The following RPTOR variants were observed in gnomAD, a reference collection of about 807,000 sequenced individuals.
RPTOR encodes the protein regulatory associated protein of MTOR complex 1.
RPTOR carries 21 observed loss-of-function variants against 169.9 expected under a neutral mutation model. The observed-to-expected ratio is 0.12, with a 90% CI of 0.09 to 0.18. The LOEUF is 0.18. RPTOR is among the 10% of genes least tolerant of loss of function. The pLI is 1.00. For missense variants in RPTOR, 1,133 were observed against 1,855.9 expected (o/e 0.61, Z 7.16); for synonymous variants, 732 against 753.2 (o/e 0.97, Z 0.46).
At chr17:80,751,574 G>A (rs1439901077) in intron 5 of RPTOR, among the ~76,000 whole-genome samples, 5 of 152,174 alleles carry the variant, frequency 3.3e-5, no homozygotes, top group Non-Finnish European at 5.9e-5. Flanking sequence ...AAGCCGGGGA[G>A]CGCATCGCAG....
At chr17:80,699,054 G>A (rs992849635) in intron 3 of RPTOR, among the ~76,000 whole-genome samples, 1 of 152,228 alleles carries the variant, frequency 6.6e-6, no homozygotes, top group African/African-American at 2.4e-5. Flanking sequence ...GCTAAGGAAA[G>A]TGGGTGTTGG....
At chr17:80,747,938 C>T (rs915847209) in intron 5 of RPTOR, among the ~76,000 whole-genome samples, 1 of 152,036 alleles carries the variant, frequency 6.6e-6, no homozygotes, top group African/African-American at 2.4e-5. Context: ...GTTTAGAGGC[C>T]ATGGTGGGAG....
chr17:80,743,479 G>A (rs950051689), intron 5 of RPTOR: 6 of 984,320 alleles, frequency 6.1e-6, no homozygotes, highest in Non-Finnish European at 3.6e-6. Context: ...ACCCACTTGT[G>A]TGGGGAGCTC....
At chr17:80,763,025 A>T (rs757186306) in intron 6 of RPTOR, among the ~76,000 whole-genome samples, 1 of 152,218 alleles carries the variant, frequency 6.6e-6, no homozygotes, top group African/African-American at 2.4e-5. Flanking sequence ...TGTCCATGAG[A>T]CACAGATTTA....
At chr17:80,892,637 C>T (rs1461708360) in intron 18 of RPTOR, 92 bp from the exon 19 acceptor site, 12 of 1,406,474 alleles carry the variant, frequency 8.5e-6, no homozygotes, top group Non-Finnish European at 1.1e-5. Flanking sequence ...TAGCAGCTGC[C>T]GTCACCGAGT....
intron 1 of RPTOR, among the ~76,000 whole-genome samples, chr17:80,596,313 T>C (rs1183789760): frequency 6.6e-6 from 1 of 152,248 alleles, no homozygotes; most frequent in African/African-American, 2.4e-5. Context: ...TTAAAAGAAC[T>C]GTGTTTATCT....
chr17:80,738,373 T>C (rs1239269504), intron 5 of RPTOR, among the ~76,000 whole-genome samples: 1 of 152,282 alleles, frequency 6.6e-6, no homozygotes, highest in Non-Finnish European at 1.5e-5. Context: ...CATCCCTTTC[T>C]GTGGTTTGCA....
chr17:80,556,495 TAG>T (rs1311589291), intron 1 of RPTOR, among the ~76,000 whole-genome samples: 1 of 151,852 alleles, frequency 6.6e-6, no homozygotes, highest in Non-Finnish European at 1.5e-5. Flanking sequence ...GCCTGAGTAA[TAG>T]AGTGACACCC....
chr17:80,801,279 T>C (rs932564296), intron 7 of RPTOR, among the ~76,000 whole-genome samples: 1 of 152,154 alleles, frequency 6.6e-6, no homozygotes, highest in Non-Finnish European at 1.5e-5. Context: ...ACATTACCTG[T>C]AAGTCCTCCC....
At chr17:80,713,891 A>C (rs1035169675) in intron 4 of RPTOR, among the ~76,000 whole-genome samples, 1 of 152,180 alleles carries the variant, frequency 6.6e-6, no homozygotes, top group Non-Finnish European at 1.5e-5. Flanking sequence ...TTCTTTTAGT[A>C]ATTGATAGAT....
chr17:80,872,630 G>A (rs374192942), intron 13 of RPTOR, among the ~76,000 whole-genome samples: 29 of 152,310 alleles, frequency 1.9e-4, no homozygotes, highest in Middle Eastern at 3.4e-3. Flanking sequence ...AGCTGCCTCC[G>A]GGTTGCCAAG....
At chr17:80,734,245 A>G (rs1425621895) in intron 5 of RPTOR, among the ~76,000 whole-genome samples, 1 of 152,118 alleles carries the variant, frequency 6.6e-6, no homozygotes, top group Non-Finnish European at 1.5e-5. Flanking sequence ...GAGAGCGGAG[A>G]GCACAGAAGG....
At position 80,820,162 on chromosome 17, in the gene RPTOR, G is replaced by A. The variant is rs1004468687; in HGVS notation, c.891-2039G>A. Among the ~76,000 whole-genome samples, 17 of 152,312 alleles carry A rather than the reference G, an allele frequency of 1.1e-4. No individual in the cohort carries two copies. The highest frequency in any genetic ancestry group is 3.1e-4 in the African/African-American group (13 of 41,560). On this transcript the variant is annotated intron_variant, in intron 7 of 33. Coordinates refer to ENST00000306801, the MANE Select transcript of RPTOR (RefSeq NM_020761.3). This position sits in a 1 kb window ranked among gnomAD's most constrained non-coding sequence, Gnocchi z 4.1. ...TGATCCTAGGCCACAGAGCTTCGGC[G>A]TGTGGTCTGGGCGCTGTCTGTCCTC... is the stretch of plus-strand genomic sequence containing the variant.
At chr17:80,816,370 G>T (rs1049615251) in intron 7 of RPTOR, among the ~76,000 whole-genome samples, 1 of 152,212 alleles carries the variant, frequency 6.6e-6, no homozygotes, top group Admixed American at 6.5e-5. Context: ...GGGCCTCCGG[G>T]GTTTCGAGCC....
chr17:80,755,230 A>C (rs2143340128), intron 6 of RPTOR, among the ~76,000 whole-genome samples: 1 of 152,238 alleles, frequency 6.6e-6, no homozygotes, highest in South Asian at 2.1e-4. Context: ...AGGCCTCCCC[A>C]CCAAACTTGA....
intron 1 of RPTOR, among the ~76,000 whole-genome samples, chr17:80,613,187 G>A (rs561942837): frequency 7.2e-5 from 11 of 152,212 alleles, no homozygotes; most frequent in South Asian, 2.1e-4. Flanking sequence ...GGCAGCCTCC[G>A]TGGCCCGTCA....
intron 3 of RPTOR, among the ~76,000 whole-genome samples, chr17:80,645,245 A>G (rs1178495129): frequency 6.6e-6 from 1 of 152,176 alleles, no homozygotes; most frequent in Non-Finnish European, 1.5e-5. Flanking sequence ...ATTAGAAGAC[A>G]TGGCCGTGTT....
chr17:80,753,661 G>A (rs548284651), intron 5 of RPTOR, among the ~76,000 whole-genome samples: 1 of 144,192 alleles, frequency 6.9e-6, no homozygotes, highest in East Asian at 2.0e-4. Context: ...AAGATTGAAC[G>A]TTTAAAACAA....
chr17:80,552,655 A>C (rs1357497792), intron 1 of RPTOR, among the ~76,000 whole-genome samples: 1 of 152,196 alleles, frequency 6.6e-6, no homozygotes, highest in Non-Finnish European at 1.5e-5. Context: ...CATTATCTTT[A>C]AGGCTCAACA....
Sources: gnomAD v4.1 joint callset for allele counts (sites outside exome capture counted in the v4.1 genomes callset) on GRCh38, gnomAD v4.1.1 for gene constraint, Gnocchi (gnomAD v3.1) non-coding constraint, MANE v1.5 for transcripts, NCBI Gene and HGNC (gene_info 2026-07-23, HGNC 2026-07-21) for gene names.